KDM6A: variants seen among roughly 807,000 people sequenced by gnomAD.
KDM6A encodes the protein lysine demethylase 6A.
A neutral mutation model predicts 117.6 loss-of-function variants in KDM6A; 11 were observed. The ratio of observed to expected loss-of-function variants is 0.09; its 90% CI spans 0.06 to 0.15. KDM6A has a LOEUF of 0.15. Among genes scored for constraint, KDM6A ranks in the 10% least tolerant of loss-of-function variants. The pLI is 1.00. For missense variants in KDM6A, 799 were observed against 1,077.3 expected, an observed-to-expected ratio of 0.74 and a Z score of 3.62; for synonymous variants, 384 against 396.1, an observed-to-expected ratio of 0.97 and a Z score of 0.36.
intron 28 of KDM6A, 81 bp from the exon 29 acceptor site, chrX:45,109,998 G>C (rs2148303150): frequency 1.1e-6 from 1 of 933,087 alleles, no homozygotes; most frequent in Non-Finnish European, 1.5e-6. Flanking sequence ...TTTCATTCAA[G>C]TAGAATTCCA....
chrX:45,090,014 C>G (rs1461185912), intron 26 of KDM6A, 84 bp downstream of exon 26: 2 of 779,467 alleles, frequency 2.6e-6, no homozygotes, highest in Non-Finnish European at 3.7e-6. Context: ...TGAAATATAA[C>G]TCACTAAAAG....
chrX:45,101,934 C>CT (rs1489486149), intron 27 of KDM6A, among the ~76,000 whole-genome samples: 1 of 110,859 alleles, frequency 9.0e-6, no homozygotes, highest in Non-Finnish European at 1.9e-5. Context: ...TAAATATCCC[C>CT]TTTTTTCAGC....
chrX:44,904,469 G>A (rs2034530827), intron 2 of KDM6A, among the ~76,000 whole-genome samples: 1 of 111,895 alleles, frequency 8.9e-6, no homozygotes, highest in Non-Finnish European at 1.9e-5. Flanking sequence ...TCAGTCTCCT[G>A]CTTTTCCTTC....
At chrX:45,057,535 A>G (rs1449505937) in intron 10 of KDM6A, among the ~76,000 whole-genome samples, 1 of 111,197 alleles carries the variant, frequency 9.0e-6, no homozygotes, top group Non-Finnish European at 1.9e-5. Context: ...TTCACTGTCC[A>G]TAACTATTTT....
At chrX:45,081,364 A>G (rs1044263261) in intron 21 of KDM6A, among the ~76,000 whole-genome samples, 1 of 112,327 alleles carries the variant, frequency 8.9e-6, no homozygotes, top group African/African-American at 3.2e-5. Context: ...AAATCATAAA[A>G]CAGTGTTAAC....
At chrX:44,893,136 C>T (rs1026475276) in intron 2 of KDM6A, among the ~76,000 whole-genome samples, 23 of 110,623 alleles carry the variant, frequency 2.1e-4, no homozygotes, top group African/African-American at 7.6e-4. Context: ...GATCGCACCA[C>T]TACACTCCTT....
At chrX:44,912,057 G>GGAGGGA (rs1372241636) in intron 2 of KDM6A, among the ~76,000 whole-genome samples, 4 of 106,382 alleles carry the variant, frequency 3.8e-5, no homozygotes, top group East Asian at 3.0e-4. Context: ...GGGGAGAGGG[G>GGAGGGA]GAGGGAGAGG....
chrX:45,089,351 AC>A (rs1481911930), intron 25 of KDM6A, among the ~76,000 whole-genome samples: 1 of 110,175 alleles, frequency 9.1e-6, no homozygotes, highest in Non-Finnish European at 1.9e-5. Flanking sequence ...ACCTGGTGAA[AC>A]CCCGTCTGTA....
At chrX:45,041,808 T>TG (rs1173538609) in intron 8 of KDM6A, among the ~76,000 whole-genome samples, 2 of 103,252 alleles carry the variant, frequency 1.9e-5, no homozygotes, top group East Asian at 3.3e-4. Flanking sequence ...TCCCAGACGA[T>TG]GGGGGGCCAG....
At chrX:44,909,618 G>A (rs1001032639) in intron 2 of KDM6A, among the ~76,000 whole-genome samples, 3 of 111,664 alleles carry the variant, frequency 2.7e-5, no homozygotes, top group African/African-American at 9.8e-5. Flanking sequence ...TAGAGTATTA[G>A]TCATCTATAC....
intron 27 of KDM6A, among the ~76,000 whole-genome samples, chrX:45,104,980 C>T (rs909317588): frequency 9.0e-6 from 1 of 111,464 alleles, no homozygotes; most frequent in African/African-American, 3.3e-5. Flanking sequence ...TGTAAATTTA[C>T]AGTCTAAGTG....
chrX:44,873,769 G>T, intron 1 of KDM6A, 57 bp downstream of exon 1: 1 of 1,154,344 alleles, frequency 8.7e-7, no homozygotes, highest in Non-Finnish European at 1.2e-6. Flanking sequence ...CCGCTCTCCC[G>T]GGAGGACCGA....
At chrX:45,042,112 C>T (rs1233345269) in intron 8 of KDM6A, among the ~76,000 whole-genome samples, 1 of 109,379 alleles carries the variant, frequency 9.1e-6, no homozygotes, top group African/African-American at 3.4e-5. Context: ...ACCAGTCAGG[C>T]GTGGCGGCAT....
At chrX:44,914,302 CAT>C (rs2035418547) in intron 2 of KDM6A, among the ~76,000 whole-genome samples, 2 of 112,041 alleles carry the variant, frequency 1.8e-5, no homozygotes, top group Non-Finnish European at 3.8e-5. Context: ...GTACTTACCT[CAT>C]AGGTTTCTGT....
At chrX:45,062,521 A>T in intron 15 of KDM6A, 126 bp from the exon 16 acceptor site, 1 of 501,782 alleles carries the variant, frequency 2.0e-6, no homozygotes, top group East Asian at 3.7e-5. Context: ...ACTGTTGGTC[A>T]GAAGACAGTG....
intron 2 of KDM6A, among the ~76,000 whole-genome samples, chrX:44,912,364 C>T (rs981289183): frequency 1.8e-5 from 2 of 111,748 alleles, no homozygotes; most frequent in Admixed American, 9.5e-5. Context: ...GCTGGAACTA[C>T]AGGCATGAGC....
intron 2 of KDM6A, among the ~76,000 whole-genome samples, chrX:44,935,560 G>T (rs1197329852): frequency 1.8e-5 from 2 of 111,044 alleles, no homozygotes; most frequent in African/African-American, 6.6e-5. Context: ...CTTTGGGGTA[G>T]TTGCTATAAA....
intron 4 of KDM6A, among the ~76,000 whole-genome samples, chrX:44,993,884 C>A (rs1402070291): frequency 8.9e-6 from 1 of 111,884 alleles, no homozygotes; most frequent in African/African-American, 3.3e-5. Context: ...AAGCTCTCGT[C>A]TTTTTCTTCT....
chrX:45,064,723 TAAAAAG>T (rs1333258965), intron 17 of KDM6A, among the ~76,000 whole-genome samples: 4 of 112,196 alleles, frequency 3.6e-5, no homozygotes, highest in African/African-American at 9.7e-5. Context: ...ATATTTGACT[TAAAAAG>T]AGAAATATTT....
Sources: gnomAD v4.1 joint callset for allele counts (sites outside exome capture counted in the v4.1 genomes callset) on GRCh38, gnomAD v4.1.1 for gene constraint, MANE v1.5 for transcripts, NCBI Gene and HGNC (gene_info 2026-07-23, HGNC 2026-07-21) for gene names.